Variants in ASMTL observed in about 807,000 individuals in gnomAD.
The protein encoded by ASMTL is probable bifunctional dTTP/UTP pyrophosphatase/methyltransferase protein.
A neutral mutation model predicts 60.3 loss-of-function variants in ASMTL; 57 were observed. The observed-to-expected ratio is 0.95, with a 90% CI of 0.76 to 1.18. The LOEUF (loss-of-function observed/expected upper bound fraction) is 1.18, where lower values mean the gene tolerates loss of function less well. ASMTL is among the 50% of genes most tolerant of loss of function. The pLI, the probability that ASMTL is intolerant of heterozygous loss-of-function variation, is 0.00. For synonymous variants in ASMTL, 419 were observed against 373.0 expected, an observed-to-expected ratio of 1.12 and a Z score of -1.42; for missense variants, 981 against 852.6, an observed-to-expected ratio of 1.15 and a Z score of -1.88.
At chrX:1,427,418 G>T in intron 7 of ASMTL, among the ~76,000 whole-genome samples, 1 of 152,052 alleles carries the variant, frequency 6.6e-6, no homozygotes, top group Middle Eastern at 3.5e-3. Flanking sequence ...CACGAAGAAG[G>T]GTGGACTCCA....
At chrX:1,425,336 G>A (rs1430217954) in intron 8 of ASMTL, 189 bp downstream of exon 8, 37 of 217,746 alleles carry the variant, frequency 1.7e-4, no homozygotes, top group South Asian at 8.2e-4. Context: ...ATGTGCTCGC[G>A]GCTGCCACTG....
At chrX:1,444,028 A>G (rs1362756846) in intron 1 of ASMTL, among the ~76,000 whole-genome samples, 9 of 152,210 alleles carry the variant, frequency 5.9e-5, no homozygotes, top group African/African-American at 2.2e-4. Flanking sequence ...ACATCAGCCT[A>G]ATGGCTAATG....
At chrX:1,417,653 A>T (rs1357271611) in intron 11 of ASMTL, among the ~76,000 whole-genome samples, 27 of 151,230 alleles carry the variant, frequency 1.8e-4, no homozygotes, top group Admixed American at 1.3e-4. Flanking sequence ...CCACACAGAC[A>T]CACACACATA....
chrX:1,451,994 G>A (rs1249355719), intron 1 of ASMTL, among the ~76,000 whole-genome samples: 1 of 144,674 alleles, frequency 6.9e-6, no homozygotes, highest in African/African-American at 2.6e-5. Flanking sequence ...CCATCGCTAG[G>A]GGGTCCCAGG....
intron 10 of ASMTL, among the ~76,000 whole-genome samples, chrX:1,418,554 GGA>G (rs1244336311): frequency 6.6e-6 from 1 of 152,152 alleles, no homozygotes; most frequent in Non-Finnish European, 1.5e-5. Context: ...ACCACAAGGA[GGA>G]GAGGCATTCA....
intron 1 of ASMTL, among the ~76,000 whole-genome samples, chrX:1,451,709 TAGGGGTCCCGGGTTACTCTCCCCA>T (rs2091391969): frequency 7.1e-6 from 1 of 140,424 alleles, no homozygotes; most frequent in African/African-American, 2.7e-5. Flanking sequence ...CCCCCATCCC[TAGGGGTCCCGGGTTACTCTCCCCA>T]CCCCCATCCC....
upstream of ASMTL, chrX:1,453,573 C>T (rs2091448201): frequency 6.6e-6 from 1 of 151,598 alleles, no homozygotes; most frequent in Admixed American, 6.6e-5. Context: ...TGCTGGGTTT[C>T]CGCAGCTGCG....
Position 1,403,233 on chromosome X carries a change from G to C in ASMTL, c.*36C>G, listed in dbSNP as rs770694188. On this transcript the variant is annotated 3_prime_UTR_variant, in exon 13 of 13. Transcript: ENST00000381317. ...CCGGGCGGTCCACCTGCAGCCTGGG[G>C]GAGGACATCCCTATAATGAACATGC... The C allele has an allele frequency of 5.0e-6, 8 of 1,584,770 alleles. No individual in the cohort carries two copies. Among genetic ancestry groups the C allele is most frequent in the African/African-American group, 2.7e-5 (2 of 74,336 alleles).
chrX:1,450,016 TCCCATCACCAGTAACTATCC>T (rs1157119383), intron 1 of ASMTL, among the ~76,000 whole-genome samples: 2 of 116,800 alleles, frequency 1.7e-5, no homozygotes, highest in East Asian at 2.7e-4. Flanking sequence ...AGTAACTATC[TCCCATCACCAGTAACTATCC>T]CCCATCACCA....
intron 12 of ASMTL, among the ~76,000 whole-genome samples, chrX:1,407,293 ATAGAT>A (rs2089898302): frequency 6.6e-6 from 1 of 151,374 alleles, no homozygotes; most frequent in Admixed American, 6.6e-5. Context: ...GGATGGCTGA[ATAGAT>A]GGTACATGAT....
chrX:1,451,298 T>C (rs112915766), intron 1 of ASMTL, among the ~76,000 whole-genome samples: 4,299 of 126,590 alleles, frequency 0.034, 294 homozygotes, highest in African/African-American at 0.13. Context: ...GGTCCTGGGT[T>C]ACTCTCCCCT....
chrX:1,434,575 G>A (rs778263642), intron 5 of ASMTL, among the ~76,000 whole-genome samples: 1 of 151,254 alleles, frequency 6.6e-6, no homozygotes, highest in Non-Finnish European at 1.5e-5. Context: ...AGGCTGAGGC[G>A]GGTGGATCAC....
At chrX:1,439,618 G>A (rs538679092) in intron 2 of ASMTL, among the ~76,000 whole-genome samples, 22 of 152,236 alleles carry the variant, frequency 1.4e-4, no homozygotes, top group African/African-American at 5.3e-4. Context: ...AGGCCGAGGC[G>A]GGCGCATCTC....
intron 5 of ASMTL, among the ~76,000 whole-genome samples, chrX:1,433,171 G>A (rs774610769): frequency 1.3e-5 from 2 of 152,062 alleles, no homozygotes; most frequent in Non-Finnish European, 2.9e-5. Flanking sequence ...CCTGAATCCC[G>A]GGGAATCTGT....
intron 11 of ASMTL, among the ~76,000 whole-genome samples, chrX:1,415,398 C>CTAT (rs1556655833): frequency 6.6e-6 from 1 of 150,852 alleles, no homozygotes; most frequent in Non-Finnish European, 1.5e-5. Flanking sequence ...CACGTCTCGG[C>CTAT]TACTTGCACT....
chrX:1,436,808 G>A (rs2090977981), intron 3 of ASMTL, among the ~76,000 whole-genome samples: 2 of 152,226 alleles, frequency 1.3e-5, no homozygotes, highest in Non-Finnish European at 2.9e-5. Flanking sequence ...AGGTTTTGGT[G>A]GAACACCTGT....
At chrX:1,411,094 G>T (rs2090000579) in intron 12 of ASMTL, among the ~76,000 whole-genome samples, 1 of 152,182 alleles carries the variant, frequency 6.6e-6, no homozygotes, top group Admixed American at 6.5e-5. Context: ...TGAGGCAGGA[G>T]AATCACTTGA....
chrX:1,427,799 G>T lies in ASMTL; in HGVS notation c.832C>A (p.Arg278=), dbSNP rs775321092. The change falls in exon 7 of 13, where the codon CGG becomes AGG. Residue 278 remains arginine, a synonymous_variant. Coordinates refer to ENST00000381317, the MANE Select transcript of ASMTL (RefSeq NM_004192.4). ...ATAEAECHRT[R]ETLPPFPTRL... ...GTCGGGAACGGAGGCAGGGTCTCCCGAGTCCTGTGACACTCAGCCTCTGCC... is the reference window on the plus strand; with the variant it reads ...GTCGGGAACGGAGGCAGGGTCTCCCTAGTCCTGTGACACTCAGCCTCTGCC... The T allele has an allele frequency of 2.5e-6, 4 of 1,612,850 alleles. No homozygotes were observed. Among genetic ancestry groups the T allele is most frequent in the Admixed American group, 1.7e-5 (1 of 60,012 alleles).
chrX:1,415,895 C>T (rs1190118531), intron 11 of ASMTL, among the ~76,000 whole-genome samples: 1 of 152,116 alleles, frequency 6.6e-6, no homozygotes, highest in African/African-American at 2.4e-5. Context: ...CACAGAAATG[C>T]AGACACAAAG....
Sources: allele counts gnomAD v4.1 joint callset (sites outside exome capture counted in the v4.1 genomes callset), GRCh38; gene constraint gnomAD v4.1.1; transcripts MANE v1.5; gene names NCBI Gene and HGNC (gene_info 2026-07-23, HGNC 2026-07-21).